The following PCDHA2 variants were observed in gnomAD, a reference collection of about 807,000 sequenced individuals.
PCDHA2 encodes the protein protocadherin alpha 2.
PCDHA2 carries 58 observed loss-of-function variants against 66.0 expected under a neutral mutation model. The observed-to-expected ratio is 0.88, with a 90% CI of 0.71 to 1.09. The LOEUF (loss-of-function observed/expected upper bound fraction) is 1.09. Ranked by LOEUF, PCDHA2 falls within the 50% of genes least tolerant of loss-of-function variation. The pLI is 0.00. For missense variants in PCDHA2, 1,267 were observed against 1,242.3 expected (o/e 1.02, Z -0.30); for synonymous variants, 634 against 554.0 (o/e 1.14, Z -2.03).
At chr5:140,857,744 G>T (rs1374937613) in intron 1 of PCDHA2, 1 of 1,597,416 alleles carries the variant, frequency 6.3e-7, no homozygotes, top group Non-Finnish European at 8.6e-7. Context: ...CGCGCTGCTG[G>T]CGTCTCCCGC....
rs1305500600 is a variant in PCDHA2, at chr5:140,846,627, G to A, written c.2388+49275G>A. On this transcript the variant is annotated intron_variant, in intron 1 of 3. Transcript: ENST00000526136. Reference sequence around the variant, plus strand: ...CTGACCTCCTGATCCGCCCACTTCGGCCTCCTAAAGTGCTGGGATTACAGG... The same window carrying A: ...CTGACCTCCTGATCCGCCCACTTCGACCTCCTAAAGTGCTGGGATTACAGG... Among the ~76,000 whole-genome samples, 7 of 148,870 alleles carry A rather than the reference G, an allele frequency of 4.7e-5. No individual in the cohort carries two copies. In the Admixed American group the frequency reaches 4.7e-4, roughly 10 times the overall value.
chr5:140,813,314 A>G (rs2126645586), intron 1 of PCDHA2: 7 of 152,222 alleles, frequency 4.6e-5, no homozygotes, highest in Non-Finnish European at 4.4e-5. Flanking sequence ...CTGTGCAAAC[A>G]TGAGAGTGTA....
In PCDHA2 at chr5:140,807,152, C is replaced by T. The variant is rs568894389; in HGVS notation, c.2388+9800C>T. Reference sequence around the variant, plus strand: ...AAAGATTTCCCTTGACTTTGAGAAACGATATTTAATCAGAACAAAATACTG... The same window carrying T: ...AAAGATTTCCCTTGACTTTGAGAAATGATATTTAATCAGAACAAAATACTG... On this transcript the variant is annotated intron_variant, in intron 1 of 3. Coordinates refer to ENST00000526136, the MANE Select transcript of PCDHA2 (RefSeq NM_018905.3). The T allele has an allele frequency of 1.6e-5, 26 of 1,579,496 alleles. No homozygotes were observed. In the East Asian group the frequency reaches 5.6e-4, roughly 34 times the overall value.
At chr5:140,876,445 A>G in intron 1 of PCDHA2, 1 of 1,614,014 alleles carries the variant, frequency 6.2e-7, no homozygotes, top group Non-Finnish European at 8.5e-7. Context: ...CGCCATTGAT[A>G]AAGGGATTCC....
At chr5:140,841,353 C>A (rs1777171223) in intron 1 of PCDHA2, 2 of 1,612,606 alleles carry the variant, frequency 1.2e-6, no homozygotes, top group African/African-American at 2.7e-5. Context: ...GAGCTGGGAT[C>A]CTGGCGACTA....
rs2150471701 is a variant in PCDHA2, at chr5:140,850,183, C to T, written c.2388+52831C>T. On this transcript the variant is annotated intron_variant, in intron 1 of 3. Transcript: ENST00000526136. ...GTGCTGGACGAGAACGACAATGCGC[C>T]GGCGCTGCTGACACCTCGGATGAGG... The T allele has an allele frequency of 1.9e-6, 3 of 1,593,774 alleles. 1 individual carries two copies. Among genetic ancestry groups the T allele is most frequent in the Non-Finnish European group, 1.7e-6 (2 of 1,167,724 alleles).
intron 1 of PCDHA2, chr5:140,966,778 G>A: frequency 6.6e-7 from 1 of 1,512,496 alleles, no homozygotes; most frequent in Non-Finnish European, 8.8e-7. Flanking sequence ...TGGAGCAGGC[G>A]GGCACCAGAC....
intron 1 of PCDHA2, chr5:140,883,610 G>C: frequency 6.2e-7 from 1 of 1,614,046 alleles, no homozygotes; most frequent in Non-Finnish European, 8.5e-7. Flanking sequence ...GGTGGCCGAC[G>C]TGAACGACAA....
In PCDHA2 at chr5:140,807,279, TC is replaced by T. The variant is rs782359747; in HGVS notation, c.2388+9929del. 4 of 1,614,094 alleles carry T rather than the reference TC, an allele frequency of 2.5e-6. No homozygotes were observed. The African/African-American group carries it at 5.3e-5, about 22-fold the overall frequency. ...GCCTGGGAGGCAGGGAACGGTCAGCTCCACTACTCGGTCTCCGAGGAGGCCA... is the reference window on the plus strand; with the variant it reads ...GCCTGGGAGGCAGGGAACGGTCAGCTCACTACTCGGTCTCCGAGGAGGCCA... On this transcript the variant is annotated intron_variant, in intron 1 of 3. Coordinates refer to ENST00000526136, the MANE Select transcript of PCDHA2 (RefSeq NM_018905.3).
At chr5:140,854,174 A>AAAAAGAGT in intron 1 of PCDHA2, 1 of 680,558 alleles carries the variant, frequency 1.5e-6, no homozygotes, top group Non-Finnish European at 1.8e-6. Context: ...AAAAAAAAAA[A>AAAAAGAGT]AAGAGTAGTT....
At position 140,850,006 on chromosome 5, in the gene PCDHA2, T is replaced by A. The variant is rs2150463121; in HGVS notation, c.2388+52654T>A. On this transcript the variant is annotated intron_variant, in intron 1 of 3. Coordinates refer to ENST00000526136, the MANE Select transcript of PCDHA2 (RefSeq NM_018905.3). ...GAGCGGCGGTTGGGCGAGCGCTCGC[T>A]GTCGAGCTACGTGTCAGTGCACGCG... is the stretch of plus-strand genomic sequence containing the variant. The A allele has an allele frequency of 2.5e-6, 4 of 1,596,854 alleles. No homozygotes were observed. In the African/African-American group the frequency reaches 5.4e-5, roughly 21 times the overall value.
At chr5:141,005,113 G>A (rs2098197843) in intron 3 of PCDHA2, among the ~76,000 whole-genome samples, 1 of 152,184 alleles carries the variant, frequency 6.6e-6, no homozygotes, top group South Asian at 2.1e-4. Flanking sequence ...ATTGTCTTTA[G>A]GGACCCCAAA....
intron 3 of PCDHA2, among the ~76,000 whole-genome samples, chr5:141,005,470 G>T (rs1563690887): frequency 6.6e-6 from 1 of 151,956 alleles, no homozygotes; most frequent in African/African-American, 2.4e-5. Flanking sequence ...TTGGGAGGCC[G>T]AGACGGGCGG....
intron 1 of PCDHA2, among the ~76,000 whole-genome samples, chr5:140,846,921 G>T (rs1780756664): frequency 6.7e-6 from 1 of 149,554 alleles, no homozygotes. Context: ...TTTCCTATTT[G>T]AATTTTTGAA....
At chr5:140,994,065 T>A (rs1563596985) in intron 3 of PCDHA2, among the ~76,000 whole-genome samples, 1 of 152,092 alleles carries the variant, frequency 6.6e-6, no homozygotes, top group Non-Finnish European at 1.5e-5. Context: ...ATAAATCTAA[T>A]GGTGAAGGGA....
At chr5:140,840,317 G>A (rs193301017) in intron 1 of PCDHA2, among the ~76,000 whole-genome samples, 6 of 151,994 alleles carry the variant, frequency 3.9e-5, no homozygotes, top group East Asian at 1.9e-4. Flanking sequence ...AACTTTGGTC[G>A]ACTCATTTTC....
intron 1 of PCDHA2, chr5:140,824,610 G>GTGT (rs1768191919): frequency 1.1e-5 from 1 of 95,104 alleles, no homozygotes; most frequent in South Asian, 3.6e-4. Context: ...GCTAATTAAA[G>GTGT]TTTTTTTTTT....
intron 1 of PCDHA2, chr5:140,835,577 G>A: frequency 1.9e-6 from 3 of 1,613,890 alleles, no homozygotes; most frequent in Non-Finnish European, 2.5e-6. Flanking sequence ...TCAAGTTGGT[G>A]TCCACCTTCA....
Position 141,009,690 on chromosome 5 carries a change from TTAAA to T in PCDHA2, c.2603_2606del (p.Lys868ThrfsTer44). On this transcript the variant is annotated frameshift_variant, in exon 4 of 4. Transcript: ENST00000526136. LOFTEE classifies it high-confidence loss of function. ...GGTGTCAACAGCAACAGCTGGACCT[TTAAA>T]TACGGACCAGGCAACCCCAAACAAT... 6.2e-7 allele frequency: 1 copy of T among 1,614,068 alleles called. No individual in the cohort carries two copies. Among genetic ancestry groups the T allele is most frequent in the Non-Finnish European group, 8.5e-7 (1 of 1,180,024 alleles).
Sources: gnomAD v4.1 joint callset for allele counts (sites outside exome capture counted in the v4.1 genomes callset) on GRCh38, gnomAD v4.1.1 for gene constraint, MANE v1.5 for transcripts, NCBI Gene and HGNC (gene_info 2026-07-23, HGNC 2026-07-21) for gene names.